FUT1: variants seen among roughly 807,000 people sequenced by gnomAD.
FUT1 encodes fucosyltransferase 1 (H blood group).
For missense variants in FUT1, 476 were observed against 492.7 expected (o/e 0.97, Z 0.32); for synonymous variants, 215 against 208.7 (o/e 1.03, Z -0.26).
chr19:48,754,943 G>A (rs2034064839), upstream of FUT1, among the ~76,000 whole-genome samples: 1 of 151,842 alleles, frequency 6.6e-6, no homozygotes, highest in Non-Finnish European at 1.5e-5. Flanking sequence ...TCCTCCCTCA[G>A]ACTTAGGAGT....
upstream of FUT1, chr19:48,753,066 G>GA: frequency 4.5e-6 from 1 of 223,554 alleles, no homozygotes. Flanking sequence ...GGCTGGGCAG[G>GA]GCCCCCGCAC....
chr19:48,751,158 A>G lies in FUT1; in HGVS notation c.124T>C (p.Cys42Arg). Residue 42 changes from cysteine (C) to arginine (R), a missense_variant, in exon 2 of 2, where the codon TGT becomes CGT. Transcript: ENST00000645652. ...FPHGLGLSIL[C>R]PDRRLVTPPV... ...GGTGTCACCAGGCGGCGGTCTGGAC[A>G]CAGGATCGACAGGCCTAGGCCATGT... 1.2e-6 allele frequency: 2 copies of G among 1,614,154 alleles called. No individual in the cohort carries two copies. The highest frequency in any genetic ancestry group is 4.5e-5 in the East Asian group (2 of 44,876).
rs1409390706 is a variant in FUT1, at chr19:48,750,827, TC to T, written c.454del (p.Glu152ArgfsTer6). On this transcript the variant is annotated frameshift_variant, in exon 2 of 2. Transcript: ENST00000645652. LOFTEE classifies it low-confidence loss of function (END_TRUNC). ...AGGATCTCTCAAGTCCGCGTACTCC[TC>T]CGACATCCAGTCGTGAAGCTGCAGC... ...RELQLHDWMS[E>X]EYADLRDPFL... 5.0e-6 allele frequency: 8 copies of T among 1,613,764 alleles called. No individual in the cohort carries two copies. Among genetic ancestry groups the T allele is most frequent in the Non-Finnish European group, 6.8e-6 (8 of 1,179,998 alleles).
chr19:48,750,038 C>A lies in FUT1; in HGVS notation c.*146G>T. On this transcript the variant is annotated 3_prime_UTR_variant, in exon 2 of 2. Coordinates refer to ENST00000645652, the MANE Select transcript of FUT1 (RefSeq NM_001384359.1). The stretch of plus-strand genomic sequence containing the variant: ...GTTCCAGAAACGTCCCCCTTCTCTC[C>A]AACTCTCCCAACTAGAATCACTCTG... 1 of 947,978 alleles carries A rather than the reference C, an allele frequency of 1.1e-6. No homozygotes were observed. Among genetic ancestry groups the A allele is most frequent in the Non-Finnish European group, 1.6e-6 (1 of 627,678 alleles). 58.7% of individuals were successfully genotyped at this position (947,978 alleles called of 1,614,324 possible).
At chr19:48,754,473 G>A (rs143649130), upstream of FUT1, among the ~76,000 whole-genome samples, 222 of 152,236 alleles carry the variant, frequency 1.5e-3, no homozygotes, top group Non-Finnish European at 2.0e-3. Context: ...TGACCAAGGA[G>A]CCCTCAAGAG....
chr19:48,752,891 C>T, upstream of FUT1: 2 of 985,556 alleles, frequency 2.0e-6, no homozygotes, highest in African/African-American at 3.5e-5. The surrounding 1 kb of genome is among the most constrained non-coding windows in gnomAD (Gnocchi z 4.3). Context: ...GGGCAGGCTA[C>T]CTGGCTTCTG....
intron 1 of FUT1, 63 bp from the exon 2 acceptor site, chr19:48,751,346 G>A (rs1251129102): frequency 5.1e-6 from 8 of 1,579,054 alleles, no homozygotes; most frequent in Non-Finnish European, 6.9e-6. Context: ...GCTGAGGAGG[G>A]ATGTGGGGTA....
upstream of FUT1, among the ~76,000 whole-genome samples, chr19:48,754,326 G>A (rs1283234530): frequency 1.3e-5 from 2 of 152,166 alleles, no homozygotes; most frequent in Admixed American, 6.5e-5. Context: ...GGATGACTGC[G>A]GGCAGGCCTA....
rs1226176877 is a variant in FUT1 at position 48,749,678 on chromosome 19, T to C, written c.*506A>G. ...AGTTATCTGGATTTCCAGAACCCCATCCTGTCCATAAGGGCCCTGCAGGGT... is the reference window on the plus strand; with the variant it reads ...AGTTATCTGGATTTCCAGAACCCCACCCTGTCCATAAGGGCCCTGCAGGGT... On this transcript the variant is annotated 3_prime_UTR_variant, in exon 2 of 2. Transcript: ENST00000645652. The C allele has an allele frequency of 6.3e-6, 1 of 157,630 alleles. No homozygotes were observed. Among genetic ancestry groups the C allele is most frequent in the African/African-American group, 2.4e-5 (1 of 41,206 alleles). The allele number at this position is 157,630 out of a possible 1,614,324, so 9.8% of individuals were successfully genotyped here. A position where few individuals can be genotyped will look rare whatever the true frequency, so the allele number is the denominator to read the frequency against.
chr19:48,749,997 C>A lies in FUT1; in HGVS notation c.*187G>T, dbSNP rs558637241. 26 of 717,080 alleles carry A rather than the reference C, an allele frequency of 3.6e-5. No individual in the cohort carries two copies. The South Asian group carries it at 4.6e-4, about 13-fold the overall frequency. 44.4% of individuals were successfully genotyped at this position (717,080 alleles called of 1,614,324 possible). A position where few individuals can be genotyped will look rare whatever the true frequency, so the allele number is the denominator to read the frequency against. On this transcript the variant is annotated 3_prime_UTR_variant, in exon 2 of 2. Coordinates refer to ENST00000645652, the MANE Select transcript of FUT1 (RefSeq NM_001384359.1). ...ATCAGGAAAAGATGTTTTGCTAGTT[C>A]TAGAATATTCAGACAGTTCCAGAAA...
chr19:48,753,845 G>A (rs539176547), upstream of FUT1, among the ~76,000 whole-genome samples: 14 of 152,344 alleles, frequency 9.2e-5, no homozygotes, highest in African/African-American at 1.7e-4. Context: ...GCATATGTCA[G>A]CGTTTTCTTC....
rs774001999 is a variant in FUT1, at chr19:48,750,464, T to C, written c.818A>G (p.Asp273Gly). The C allele has an allele frequency of 1.2e-6, 2 of 1,614,176 alleles. No homozygotes were observed. Among genetic ancestry groups the C allele is most frequent in the South Asian group, 2.2e-5 (2 of 91,078 alleles). Residue 273 changes from aspartate to glycine, a missense_variant, in exon 2 of 2, where the codon GAC becomes GGC. Physicochemically the swap from Asp to Gly is moderately conservative, Grantham distance 94. Transcript: ENST00000645652. Reference sequence around the variant, plus strand: ...AAACGTCACATCGCCCTGGGAGGTGTCGATGTTTTCTTTACACCACTCCAT... The same window carrying C: ...AAACGTCACATCGCCCTGGGAGGTGCCGATGTTTTCTTTACACCACTCCAT... ...NGMEWCKENI[D>G]TSQGDVTFAG...
At position 48,752,127 on chromosome 19, in the gene FUT1, A is replaced by G. The variant is rs933782444; in HGVS notation, c.-3+363T>C. 1.3e-5 allele frequency among the ~76,000 whole-genome samples: 2 copies of G among 150,612 alleles called. No individual in the cohort carries two copies. Among genetic ancestry groups the G allele is most frequent in the African/African-American group, 2.5e-5 (1 of 40,782 alleles). ...CCTGTCTTAAAAAAAAAAAAAAAAA[A>G]AAAAAAAGAAAGTGGTCCAGGTTCC... On this transcript the variant is annotated intron_variant, in intron 1 of 1. Coordinates refer to ENST00000645652, the MANE Select transcript of FUT1 (RefSeq NM_001384359.1). This position sits in a 1 kb window ranked among gnomAD's most constrained non-coding sequence, Gnocchi z 4.3.
At chr19:48,754,047 G>T (rs967623109), upstream of FUT1, among the ~76,000 whole-genome samples, 1 of 151,984 alleles carries the variant, frequency 6.6e-6, no homozygotes, top group Non-Finnish European at 1.5e-5. Flanking sequence ...ATCCGGGCGC[G>T]TGGTGGAGGG....
In FUT1 at chr19:48,752,560, G is replaced by A. The variant is rs2034021099; in HGVS notation, c.-73C>T. On this transcript the variant is annotated 5_prime_UTR_variant, in exon 1 of 2. Coordinates refer to ENST00000645652, the MANE Select transcript of FUT1 (RefSeq NM_001384359.1). The surrounding 1 kb of genome is among the most constrained non-coding windows in gnomAD (Gnocchi z 4.3). ...CGGAGCGCACCCTCCGCAAAGGCAG[G>A]CCACATCCGGCCGCCCCTGGAACGC... 1.0e-6 allele frequency: 1 copy of A among 985,512 alleles called. No homozygotes were observed. The highest frequency in any genetic ancestry group is 1.7e-5 in the African/African-American group (1 of 57,360). 61.0% of individuals were successfully genotyped at this position (985,512 alleles called of 1,614,324 possible).
Position 48,748,893 on chromosome 19 carries a change from T to C in FUT1, c.*1291A>G, listed in dbSNP as rs548676932. The C allele has an allele frequency of 1.3e-5, 2 of 152,754 alleles. No individual in the cohort carries two copies. Among genetic ancestry groups the C allele is most frequent in the South Asian group, 1.9e-4 (1 of 5,292 alleles). The allele number at this position is 152,754 out of a possible 1,614,324, so 9.5% of individuals were successfully genotyped here. On this transcript the variant is annotated 3_prime_UTR_variant, in exon 2 of 2. Coordinates refer to ENST00000645652, the MANE Select transcript of FUT1 (RefSeq NM_001384359.1). ...TTGGCCCGGTGTGCTGGCTCACATCTATAAACCCAGCATTCTGGGAGGCCA... is the reference window on the plus strand; with the variant it reads ...TTGGCCCGGTGTGCTGGCTCACATCCATAAACCCAGCATTCTGGGAGGCCA...
rs888354556 is a variant in FUT1 at position 48,751,365 on chromosome 19, G to C, written c.-2-82C>G. The C allele has an allele frequency of 2.1e-6, 3 of 1,426,494 alleles. No individual in the cohort carries two copies. The African/African-American group carries it at 4.3e-5, about 20-fold the overall frequency. The allele number at this position is 1,426,494 out of a possible 1,614,324, so 88.4% of individuals were successfully genotyped here. ...AGGAGGGATGTGGGGTAAGGGAGGC[G>C]CCTGGGGTGCAGCACTCCTTAGTCC... On this transcript the variant is annotated intron_variant, in intron 1 of 1. Coordinates refer to ENST00000645652, the MANE Select transcript of FUT1 (RefSeq NM_001384359.1).
chr19:48,751,433 G>T (rs192379013), intron 1 of FUT1, 150 bp from the exon 2 acceptor site: 1 of 844,698 alleles, frequency 1.2e-6, no homozygotes, highest in Non-Finnish European at 1.9e-6. Flanking sequence ...TGGGGCTGAG[G>T]TAGGGAGAGC....
At chr19:48,752,851 C>G, upstream of FUT1, 1 of 985,568 alleles carries the variant, frequency 1.0e-6, no homozygotes, top group Middle Eastern at 5.2e-4. This position sits in a 1 kb window ranked among gnomAD's most constrained non-coding sequence, Gnocchi z 4.3. Context: ...CCCTCCGCCC[C>G]GTCATTGACC....
Sources: gnomAD v4.1 joint callset for allele counts (sites outside exome capture counted in the v4.1 genomes callset) on GRCh38, gnomAD v4.1.1 for gene constraint, Gnocchi (gnomAD v3.1) non-coding constraint, MANE v1.5 for transcripts, NCBI Gene and HGNC (gene_info 2026-07-23, HGNC 2026-07-21) for gene names.